Variants in RFLNA observed in about 807,000 individuals in gnomAD.
The protein encoded by RFLNA is refilin-A.
RFLNA carries 5 observed loss-of-function variants against 7.8 expected under a neutral mutation model. The observed-to-expected ratio is 0.64, with a 90% confidence interval of 0.34 to 1.35. RFLNA has a LOEUF of 1.35. Ranked by LOEUF, RFLNA falls within the 40% of genes most tolerant of loss-of-function variation. RFLNA has a pLI of 0.04. For synonymous variants in RFLNA, 141 were observed against 131.3 expected, an observed-to-expected ratio of 1.07 and a Z score of -0.50; for missense variants, 278 against 305.5, an observed-to-expected ratio of 0.91 and a Z score of 0.67.
At chr12:124,300,965 T>C (rs566518865) in intron 1 of RFLNA, among the ~76,000 whole-genome samples, 44 of 151,862 alleles carry the variant, frequency 2.9e-4, no homozygotes, top group African/African-American at 8.7e-4. Context: ...GATTGATGGA[T>C]GGATAGATGG....
At position 124,299,759 on chromosome 12, in the gene RFLNA, G is replaced by A. The variant is rs552720454; in HGVS notation, c.207+4123G>A. 3.3e-5 allele frequency among the ~76,000 whole-genome samples: 5 copies of A among 152,294 alleles called. No homozygotes were observed. In the South Asian group the frequency reaches 1.0e-3, roughly 32 times the overall value. On this transcript the variant is annotated intron_variant, in intron 1 of 2. Transcript: ENST00000546355. The stretch of plus-strand genomic sequence containing the variant: ...AGTTTCTTTATCCACTCTGATTGAT[G>A]GGCATTTGTCAGCTCACAGATATTT...
At chr12:124,298,408 G>T (rs1288395689) in intron 1 of RFLNA, among the ~76,000 whole-genome samples, 1 of 152,138 alleles carries the variant, frequency 6.6e-6, no homozygotes, top group East Asian at 1.9e-4. Flanking sequence ...GACATCAAAG[G>T]CCCTGGGGGC....
Position 124,295,511 on chromosome 12 carries a change from T to C in RFLNA, c.82T>C (p.Ser28Pro). 7.8e-7 allele frequency: 1 copy of C among 1,275,474 alleles called. No individual in the cohort carries two copies. The highest frequency in any genetic ancestry group is 9.9e-7 in the Non-Finnish European group (1 of 1,013,682). The allele number at this position is 1,275,474 out of a possible 1,614,324, so 79.0% of individuals were successfully genotyped here. Residue 28 changes from serine to proline, a missense_variant, in exon 1 of 3, where the codon TCC becomes CCC. Physicochemically the swap from Ser to Pro is moderately conservative, Grantham distance 74. Transcript: ENST00000546355. ...GGAGGGCTTGCTGGACAGCCCCGAC[T>C]CCGGGCTGCCCCCCAGCCCCAGCCC... ...GREGLLDSPD[S>P]GLPPSPSPSP...
intron 1 of RFLNA, among the ~76,000 whole-genome samples, chr12:124,298,212 G>A (rs1281577340): frequency 2.0e-5 from 3 of 152,194 alleles, no homozygotes; most frequent in Non-Finnish European, 4.4e-5. Flanking sequence ...AAGCCACTGA[G>A]GTCCTCACCA....
At chr12:124,304,336 A>G (rs1196327957) in intron 1 of RFLNA, among the ~76,000 whole-genome samples, 2 of 152,238 alleles carry the variant, frequency 1.3e-5, no homozygotes, top group Non-Finnish European at 2.9e-5. Context: ...CTGGGCTTTC[A>G]CGGCTTCTGG....
At chr12:124,305,040 C>T (rs1387207642) in intron 1 of RFLNA, among the ~76,000 whole-genome samples, 1 of 152,204 alleles carries the variant, frequency 6.6e-6, no homozygotes, top group African/African-American at 2.4e-5. Context: ...CAGCTGGGGT[C>T]AGTGTTGACT....
chr12:124,312,238 T>A (rs997838980), intron 2 of RFLNA, among the ~76,000 whole-genome samples: 1 of 151,864 alleles, frequency 6.6e-6, no homozygotes, highest in African/African-American at 2.4e-5. Context: ...TTATTTTAAA[T>A]CCAACCTCTC....
upstream of RFLNA, among the ~76,000 whole-genome samples, chr12:124,291,822 G>T (rs529035392): frequency 3.3e-5 from 5 of 152,030 alleles, no homozygotes; most frequent in East Asian, 9.7e-4. Flanking sequence ...GGGAGTGCTT[G>T]GGGAGCCCTG....
intron 1 of RFLNA, among the ~76,000 whole-genome samples, chr12:124,303,868 G>T (rs1210653742): frequency 6.6e-6 from 1 of 152,206 alleles, no homozygotes; most frequent in African/African-American, 2.4e-5. Flanking sequence ...TGGGGAGCGG[G>T]CCTGTCTGGG....
intron 1 of RFLNA, among the ~76,000 whole-genome samples, chr12:124,298,386 A>G (rs1331327080): frequency 3.9e-5 from 6 of 152,012 alleles, no homozygotes; most frequent in Admixed American, 3.9e-4. Flanking sequence ...TGGCTGTAAG[A>G]TCACTCCCCA....
At chr12:124,307,079 C>T (rs181069993) in intron 1 of RFLNA, among the ~76,000 whole-genome samples, 1 of 152,344 alleles carries the variant, frequency 6.6e-6, no homozygotes. Context: ...ACGCACTAGA[C>T]GCTGGGGTGT....
At chr12:124,313,555 T>C (rs1176195560) in intron 2 of RFLNA, among the ~76,000 whole-genome samples, 2 of 151,968 alleles carry the variant, frequency 1.3e-5, no homozygotes, top group Non-Finnish European at 2.9e-5. Context: ...GGCGGGCGCC[T>C]GTAGTCCCAG....
In RFLNA at chr12:124,314,303, C is replaced by G. The variant is rs761147888; in HGVS notation, c.429C>G (p.Asn143Lys). Residue 143 changes from asparagine (N) to lysine (K), a missense_variant, in exon 3 of 3, where the codon AAC (asparagine) becomes AAG (lysine). Physicochemically the swap from Asn to Lys is moderately conservative, Grantham distance 94. Transcript: ENST00000546355. ...AYSETIVAAP[N>K]CTWRNYRSQL... ...GCGAGACCATCGTGGCAGCACCCAACTGCACGTGGCGCAACTACCGCAGCC... is the reference window on the plus strand; with the variant it reads ...GCGAGACCATCGTGGCAGCACCCAAGTGCACGTGGCGCAACTACCGCAGCC... 1.9e-6 allele frequency: 3 copies of G among 1,613,520 alleles called. No homozygotes were observed. Among genetic ancestry groups the G allele is most frequent in the Non-Finnish European group, 2.5e-6 (3 of 1,180,022 alleles).
intron 1 of RFLNA, among the ~76,000 whole-genome samples, chr12:124,310,948 G>C (rs183359694): frequency 1.1e-4 from 17 of 152,318 alleles, no homozygotes; most frequent in African/African-American, 3.6e-4. Context: ...TGGATTTGCT[G>C]GTGCTCACAA....
intron 1 of RFLNA, among the ~76,000 whole-genome samples, chr12:124,309,844 C>T (rs1478843478): frequency 1.3e-5 from 2 of 152,192 alleles, no homozygotes; most frequent in Admixed American, 1.3e-4. Flanking sequence ...GTTGCAGCCA[C>T]ACCTCAAGGA....
intron 1 of RFLNA, among the ~76,000 whole-genome samples, chr12:124,304,732 C>G (rs74964852): frequency 0.01 from 1,533 of 152,364 alleles, 23 homozygotes; most frequent in South Asian, 0.035. Context: ...CTCTCTCCCT[C>G]CAGCCCTTCC....
chr12:124,295,519 G>A lies in RFLNA; in HGVS notation c.90G>A (p.Leu30=). Residue 30 remains leucine, a synonymous_variant, in exon 1 of 3, where the codon CTG becomes CTA. Coordinates refer to ENST00000546355, the MANE Select transcript of RFLNA (RefSeq NM_001365156.1). ...TGCTGGACAGCCCCGACTCCGGGCTGCCCCCCAGCCCCAGCCCCAGCCCGC... is the reference window on the plus strand; with the variant it reads ...TGCTGGACAGCCCCGACTCCGGGCTACCCCCCAGCCCCAGCCCCAGCCCGC... The part of the protein sequence containing the change: ...EGLLDSPDSG[L]PPSPSPSPPF... 3.2e-6 allele frequency: 4 copies of A among 1,269,416 alleles called. No homozygotes were observed. Among genetic ancestry groups the A allele is most frequent in the Middle Eastern group, 3.0e-4 (1 of 3,328 alleles). The allele number at this position is 1,269,416 out of a possible 1,614,324, so 78.6% of individuals were successfully genotyped here. A position where few individuals can be genotyped will look rare whatever the true frequency, so the allele number is the denominator to read the frequency against.
At chr12:124,307,832 G>A (rs964706171) in intron 1 of RFLNA, among the ~76,000 whole-genome samples, 1 of 152,134 alleles carries the variant, frequency 6.6e-6, no homozygotes. Context: ...AGTTCCAATC[G>A]AGGTGTGAGC....
In RFLNA at chr12:124,305,232, G is replaced by A. The variant is rs554630903; in HGVS notation, c.208-6586G>A. Among the ~76,000 whole-genome samples the A allele has an allele frequency of 7.2e-5, 11 of 152,286 alleles. No homozygotes were observed. In the South Asian group the frequency reaches 2.3e-3, roughly 32 times the overall value. On this transcript the variant is annotated intron_variant, in intron 1 of 2. Coordinates refer to ENST00000546355, the MANE Select transcript of RFLNA (RefSeq NM_001365156.1). ...CTCCACCCCAGACCTTCATGGGAAA[G>A]GAGGATCCCCCTTGCGGGCCCACTG...
Sources: gnomAD v4.1 joint callset for allele counts (sites outside exome capture counted in the v4.1 genomes callset) on GRCh38, gnomAD v4.1.1 for gene constraint, MANE v1.5 for transcripts, NCBI Gene and HGNC (gene_info 2026-07-23, HGNC 2026-07-21) for gene names.